Variants in FBXL18 observed in about 807,000 individuals in gnomAD.
The protein encoded by FBXL18 is F-box and leucine rich repeat protein 18.
FBXL18 carries 36 observed loss-of-function variants against 46.0 expected under a neutral mutation model. The ratio of observed to expected loss-of-function variants is 0.78; its 90% CI spans 0.60 to 1.03. The LOEUF is 1.03. Ranked by LOEUF, FBXL18 falls within the 50% of genes least tolerant of loss-of-function variation. FBXL18 has a pLI of 0.00. For synonymous variants in FBXL18, 557 were observed against 465.3 expected (o/e 1.20, Z -2.54); for missense variants, 977 against 1,004.1 (o/e 0.97, Z 0.36).
intron 4 of FBXL18, among the ~76,000 whole-genome samples, chr7:5,466,723 A>G (rs1783345966): frequency 1.3e-5 from 2 of 152,196 alleles, no homozygotes; most frequent in African/African-American, 4.8e-5. Flanking sequence ...AGCCGGTCAC[A>G]GCACCGCCGT....
chr7:5,465,311 CT>C (rs1183369754), intron 4 of FBXL18, among the ~76,000 whole-genome samples: 4 of 151,898 alleles, frequency 2.6e-5, no homozygotes, highest in Non-Finnish European at 4.4e-5. Flanking sequence ...AGTGATTCTC[CT>C]GCCCCAGCCT....
chr7:5,487,432 G>A (rs1232851276), intron 4 of FBXL18, among the ~76,000 whole-genome samples: 1 of 152,212 alleles, frequency 6.6e-6, no homozygotes, highest in Non-Finnish European at 1.5e-5. Flanking sequence ...CTCATCTGCA[G>A]AAGATCCTGA....
intron 4 of FBXL18, among the ~76,000 whole-genome samples, chr7:5,467,183 C>T (rs1783353789): frequency 6.6e-6 from 1 of 152,132 alleles, no homozygotes; most frequent in Admixed American, 6.6e-5. Flanking sequence ...AACCCCGTCT[C>T]TACTAAAAAT....
At chr7:5,495,417 G>A (rs189334312) in intron 3 of FBXL18, among the ~76,000 whole-genome samples, 10 of 152,276 alleles carry the variant, frequency 6.6e-5, no homozygotes, top group African/African-American at 2.2e-4. Context: ...ACGCTCCCCC[G>A]CCCTCCACCG....
At chr7:5,492,296 C>T (rs1227271253) in intron 3 of FBXL18, among the ~76,000 whole-genome samples, 1 of 151,268 alleles carries the variant, frequency 6.6e-6, no homozygotes, top group African/African-American at 2.4e-5. Context: ...GGGGATGTGG[C>T]GCTGCTGAGG....
chr7:5,504,450 T>C (rs1194157432), intron 2 of FBXL18, among the ~76,000 whole-genome samples: 2 of 141,010 alleles, frequency 1.4e-5, no homozygotes, highest in African/African-American at 2.5e-5. Flanking sequence ...GATTACAGGC[T>C]CCCACCACCA....
At chr7:5,483,945 C>T (rs1357334983) in intron 4 of FBXL18, among the ~76,000 whole-genome samples, 1 of 152,138 alleles carries the variant, frequency 6.6e-6, no homozygotes, top group Non-Finnish European at 1.5e-5. Flanking sequence ...GCTGGACTCA[C>T]GACACACAGA....
chr7:5,511,492 G>C (rs1325664434), intron 1 of FBXL18, among the ~76,000 whole-genome samples: 2 of 151,972 alleles, frequency 1.3e-5, no homozygotes, highest in Admixed American at 6.6e-5. Context: ...TGTAATCCCA[G>C]CTACTTGGGA....
At chr7:5,485,424 T>G (rs1175975499) in intron 4 of FBXL18, among the ~76,000 whole-genome samples, 1 of 152,200 alleles carries the variant, frequency 6.6e-6, no homozygotes, top group Non-Finnish European at 1.5e-5. Flanking sequence ...ATGTGATGAC[T>G]GGGTGTTCAC....
intron 3 of FBXL18, among the ~76,000 whole-genome samples, chr7:5,497,499 T>C (rs1784113265): frequency 6.6e-6 from 1 of 152,148 alleles, no homozygotes; most frequent in Non-Finnish European, 1.5e-5. Flanking sequence ...ATCCTGCGCT[T>C]CTCAACCCAA....
At chr7:5,510,611 G>A (rs1784507756) in intron 1 of FBXL18, among the ~76,000 whole-genome samples, 1 of 150,720 alleles carries the variant, frequency 6.6e-6, no homozygotes, top group African/African-American at 2.4e-5. Flanking sequence ...ACCTGAACCC[G>A]GGAAGTGGTG....
chr7:5,491,349 G>T lies in FBXL18; in HGVS notation c.1882C>A (p.Leu628Ile). ...RLCLVSRSGT[L>I]QPDAVLAFMA... ...AAGGCCAGCACGGCATCGGGCTGGA[G>T]GGTGCCGCTGCGAGAGACCAGGCAC... Residue 628 changes from leucine to isoleucine, a missense_variant, in exon 4 of 5, where the codon CTC (leucine) becomes ATC (isoleucine). Coordinates refer to ENST00000382368, the MANE Select transcript of FBXL18 (RefSeq NM_024963.6). 6.2e-7 allele frequency: 1 copy of T among 1,610,920 alleles called. No individual in the cohort carries two copies. Among genetic ancestry groups the T allele is most frequent in the South Asian group, 1.1e-5 (1 of 90,574 alleles).
At chr7:5,460,514 T>C (rs4527788) in intron 4 of FBXL18, among the ~76,000 whole-genome samples, 99,946 of 152,118 alleles carry the variant, frequency 0.66, 33,355 homozygotes, top group Non-Finnish European at 0.68. Context: ...AGTGCAATGG[T>C]GCGATCTCCG....
intron 1 of FBXL18, among the ~76,000 whole-genome samples, chr7:5,508,524 G>A (rs1406720714): frequency 6.7e-6 from 1 of 149,884 alleles, no homozygotes; most frequent in Non-Finnish European, 1.5e-5. Flanking sequence ...TGGGAGGATC[G>A]CTTCAGCTCA....
intron 2 of FBXL18, among the ~76,000 whole-genome samples, chr7:5,503,373 G>A (rs547966228): frequency 2.0e-5 from 3 of 152,272 alleles, no homozygotes; most frequent in Admixed American, 2.0e-4. Context: ...TGTTTTTTGA[G>A]ACAAGGTCTC....
intron 4 of FBXL18, among the ~76,000 whole-genome samples, chr7:5,468,382 G>C (rs935920581): frequency 6.6e-6 from 1 of 152,176 alleles, no homozygotes; most frequent in African/African-American, 2.4e-5. Flanking sequence ...CTCCCAAAGT[G>C]CTGGGATTAC....
At chr7:5,465,927 C>T (rs886119811) in intron 4 of FBXL18, among the ~76,000 whole-genome samples, 3 of 151,798 alleles carry the variant, frequency 2.0e-5, no homozygotes, top group Non-Finnish European at 2.9e-5. Context: ...AAGCGATTCT[C>T]CTGCCTCAGC....
chr7:5,463,869 T>C (rs1206193758), intron 4 of FBXL18, among the ~76,000 whole-genome samples: 1 of 150,994 alleles, frequency 6.6e-6, no homozygotes, highest in Non-Finnish European at 1.5e-5. Context: ...GCTTCCTGAG[T>C]AGCTGGGATT....
intron 1 of FBXL18, 75 bp downstream of exon 1, chr7:5,513,582 G>A (rs1784596936): frequency 1.3e-6 from 2 of 1,548,676 alleles, no homozygotes; most frequent in Non-Finnish European, 1.8e-6. Flanking sequence ...AAGGGAACCC[G>A]GGTCGGGATG....
Sources: gnomAD v4.1 joint callset for allele counts (sites outside exome capture counted in the v4.1 genomes callset) on GRCh38, gnomAD v4.1.1 for gene constraint, MANE v1.5 for transcripts, NCBI Gene and HGNC (gene_info 2026-07-23, HGNC 2026-07-21) for gene names.